Variants in MACROD2 observed in about 807,000 individuals in gnomAD.
The protein encoded by MACROD2 is mono-ADP ribosylhydrolase 2.
MACROD2 carries 36 observed loss-of-function variants against 70.4 expected under a neutral mutation model. The ratio of observed to expected loss-of-function variants is 0.51; its 90% CI spans 0.39 to 0.68. MACROD2 has a LOEUF of 0.68. Ranked by LOEUF, MACROD2 falls within the 30% of genes least tolerant of loss-of-function variation. MACROD2 has a pLI of 0.00. For missense variants in MACROD2, 496 were observed against 538.4 expected, an observed-to-expected ratio of 0.92 and a Z score of 0.78; for synonymous variants, 172 against 178.8, an observed-to-expected ratio of 0.96 and a Z score of 0.30.
At chr20:14,628,692 G>T (rs1380037762) in intron 4 of MACROD2, 1 of 152,072 alleles carries the variant, frequency 6.6e-6, no homozygotes, top group African/African-American at 2.4e-5. Flanking sequence ...TCTGGTTTAG[G>T]GACCATATCA....
intron 3 of MACROD2, among the ~76,000 whole-genome samples, chr20:14,437,649 G>A (rs182467931): frequency 1.3e-3 from 204 of 151,986 alleles, no homozygotes; most frequent in African/African-American, 4.6e-3. Context: ...TTCTCTCTTC[G>A]TCAATTTGTT....
intron 8 of MACROD2, among the ~76,000 whole-genome samples, chr20:15,781,936 G>A (rs1384417989): frequency 6.6e-6 from 1 of 152,040 alleles, no homozygotes. Context: ...TAGTATTGAG[G>A]GACAATTGAT....
At chr20:14,328,341 T>C (rs1033094463) in intron 3 of MACROD2, among the ~76,000 whole-genome samples, 3 of 152,112 alleles carry the variant, frequency 2.0e-5, no homozygotes, top group Non-Finnish European at 4.4e-5. Context: ...ATATGTTTCA[T>C]ACTGCAGGTT....
intron 3 of MACROD2, among the ~76,000 whole-genome samples, chr20:14,408,213 A>T (rs1374499852): frequency 6.6e-6 from 1 of 152,134 alleles, no homozygotes; most frequent in Non-Finnish European, 1.5e-5. Flanking sequence ...CATGCTTATT[A>T]TGCTGTTTTG....
intron 6 of MACROD2, among the ~76,000 whole-genome samples, chr20:15,281,271 G>A (rs1249502419): frequency 1.3e-5 from 2 of 152,172 alleles, no homozygotes; most frequent in African/African-American, 4.8e-5. Context: ...AGAATCTCAT[G>A]TCTTTTCACA....
intron 6 of MACROD2, among the ~76,000 whole-genome samples, chr20:15,250,806 C>T (rs1455003786): frequency 6.6e-6 from 1 of 152,128 alleles, no homozygotes; most frequent in Non-Finnish European, 1.5e-5. Context: ...TTTCTTCTTC[C>T]TCCCCAGTTC....
chr20:14,044,288 C>T (rs745513726), intron 2 of MACROD2, among the ~76,000 whole-genome samples: 1 of 151,956 alleles, frequency 6.6e-6, no homozygotes, highest in Non-Finnish European at 1.5e-5. Flanking sequence ...TCGCTGGCTT[C>T]AGGAGTGGAG....
chr20:14,331,633 C>A (rs1213076670), intron 3 of MACROD2, among the ~76,000 whole-genome samples: 1 of 152,102 alleles, frequency 6.6e-6, no homozygotes, highest in Admixed American at 6.6e-5. Context: ...AGGCTCAAAA[C>A]AGTTCATGTT....
At chr20:14,668,178 T>G (rs1446409129) in intron 4 of MACROD2, among the ~76,000 whole-genome samples, 24 of 152,066 alleles carry the variant, frequency 1.6e-4, no homozygotes, top group Non-Finnish European at 4.4e-5. Flanking sequence ...GGCTCTCACT[T>G]TTCACTAAAT....
intron 9 of MACROD2, among the ~76,000 whole-genome samples, chr20:15,877,461 T>C (rs1389474321): frequency 6.6e-6 from 1 of 151,954 alleles, no homozygotes; most frequent in Non-Finnish European, 1.5e-5. Flanking sequence ...GTTCCCTTTT[T>C]TTTAAAAGAA....
chr20:14,233,719 G>GAA (rs1217560155), intron 3 of MACROD2, among the ~76,000 whole-genome samples: 2 of 74,922 alleles, frequency 2.7e-5, no homozygotes, highest in Non-Finnish European at 5.8e-5. Flanking sequence ...AAAAAGAAAA[G>GAA]AAAAGAAAAG....
chr20:14,483,328 C>T (rs1054114610), intron 3 of MACROD2, among the ~76,000 whole-genome samples: 1 of 152,132 alleles, frequency 6.6e-6, no homozygotes, highest in Non-Finnish European at 1.5e-5. Flanking sequence ...CTGAAGTATT[C>T]TTACCTATCT....
intron 6 of MACROD2, among the ~76,000 whole-genome samples, chr20:15,319,421 C>T (rs2077849472): frequency 6.6e-6 from 1 of 152,102 alleles, no homozygotes; most frequent in Admixed American, 6.6e-5. Context: ...TCTCACAATT[C>T]CAATTGTCCT....
At chr20:15,416,226 C>T (rs1006355785) in intron 6 of MACROD2, among the ~76,000 whole-genome samples, 3 of 152,202 alleles carry the variant, frequency 2.0e-5, no homozygotes, top group Non-Finnish European at 2.9e-5. Context: ...TTTCAGGCCA[C>T]GAGTAGCAAT....
chr20:15,105,864 A>G (rs2075906795), intron 5 of MACROD2, among the ~76,000 whole-genome samples: 1 of 152,122 alleles, frequency 6.6e-6, no homozygotes, highest in Admixed American at 6.6e-5. Flanking sequence ...GAACATGTCT[A>G]AGTTCATGCG....
chr20:15,164,805 G>T (rs2145879284), intron 5 of MACROD2, among the ~76,000 whole-genome samples: 1 of 152,122 alleles, frequency 6.6e-6, no homozygotes, highest in East Asian at 1.9e-4. Context: ...GTAGGCTAAG[G>T]TAGGAGGATC....
chr20:14,037,711 C>T (rs2053333204), intron 2 of MACROD2, among the ~76,000 whole-genome samples: 1 of 152,064 alleles, frequency 6.6e-6, no homozygotes, highest in Admixed American at 6.5e-5. Flanking sequence ...GAAACATTCC[C>T]TTGGAATTAA....
At chr20:15,283,502 A>G (rs1203832021) in intron 6 of MACROD2, among the ~76,000 whole-genome samples, 1 of 151,912 alleles carries the variant, frequency 6.6e-6, no homozygotes, top group Non-Finnish European at 1.5e-5. Flanking sequence ...GTGAAACTCC[A>G]TCTCTACTAA....
intron 5 of MACROD2, among the ~76,000 whole-genome samples, chr20:15,015,785 T>C (rs184715871): frequency 6.6e-6 from 1 of 152,354 alleles, no homozygotes; most frequent in East Asian, 1.9e-4. Flanking sequence ...GTTAGAACTA[T>C]GGCAGGAAGC....
Sources: gnomAD v4.1 joint callset for allele counts (sites outside exome capture counted in the v4.1 genomes callset) on GRCh38, gnomAD v4.1.1 for gene constraint, MANE v1.5 for transcripts, NCBI Gene and HGNC (gene_info 2026-07-23, HGNC 2026-07-21) for gene names.